Variants in HEMK2 observed in about 807,000 individuals in gnomAD.
HEMK2 encodes the protein methyltransferase HEMK2.
At chr21:28,770,471 T>C in the HEMK2 span, among the ~76,000 whole-genome samples, 3 of 152,150 alleles carry the variant, frequency 2.0e-5, no homozygotes, top group African/African-American at 7.2e-5. Flanking sequence ...TACTGAGACC[T>C]TTCCAAGTGC....
the HEMK2 span, among the ~76,000 whole-genome samples, chr21:28,708,986 GGT>G: frequency 6.6e-6 from 1 of 152,174 alleles, no homozygotes; most frequent in South Asian, 2.1e-4. Context: ...TGGAAGTCAG[GGT>G]GACAGTATGG....
chr21:28,577,225 G>A, the HEMK2 span: 2 of 152,196 alleles, frequency 1.3e-5, no homozygotes, highest in Non-Finnish European at 2.9e-5. Context: ...TCACCTGACA[G>A]TTTTAAAATC....
chr21:28,581,224 CTT>C, the HEMK2 span, among the ~76,000 whole-genome samples: 20 of 132,476 alleles, frequency 1.5e-4, no homozygotes, highest in African/African-American at 3.3e-4. Flanking sequence ...AAAAGTATGG[CTT>C]TTTTTTTTTT....
chr21:28,667,013 T>C, the HEMK2 span, among the ~76,000 whole-genome samples: 1 of 152,154 alleles, frequency 6.6e-6, no homozygotes, highest in African/African-American at 2.4e-5. Flanking sequence ...GGCTCAAATG[T>C]TGGTTCTATC....
the HEMK2 span, among the ~76,000 whole-genome samples, chr21:28,681,749 T>C: frequency 6.6e-6 from 1 of 150,754 alleles, no homozygotes; most frequent in Non-Finnish European, 1.5e-5. Flanking sequence ...TAATGCCGCA[T>C]ATTTACAACT....
At chr21:28,669,901 G>A in the HEMK2 span, among the ~76,000 whole-genome samples, 30,547 of 151,944 alleles carry the variant, frequency 0.2, 3,294 homozygotes, top group East Asian at 0.38. Flanking sequence ...CATTGAAAAG[G>A]GGCTCAGACT....
the HEMK2 span, among the ~76,000 whole-genome samples, chr21:28,681,921 T>C: frequency 1.3e-5 from 2 of 152,200 alleles, no homozygotes; most frequent in South Asian, 2.1e-4. Flanking sequence ...TAAAGACTTA[T>C]ATGTTAGACC....
chr21:28,582,635 A>G, the HEMK2 span, among the ~76,000 whole-genome samples: 8 of 152,226 alleles, frequency 5.3e-5, no homozygotes, highest in African/African-American at 1.9e-4. Flanking sequence ...AGTACATAGT[A>G]GAGAATACAT....
chr21:28,683,208 A>G, the HEMK2 span, among the ~76,000 whole-genome samples: 1 of 152,104 alleles, frequency 6.6e-6, no homozygotes, highest in African/African-American at 2.4e-5. Flanking sequence ...TTTACACAAT[A>G]AAATAGGTAA....
At chr21:28,760,613 C>G in the HEMK2 span, among the ~76,000 whole-genome samples, 1 of 152,164 alleles carries the variant, frequency 6.6e-6, no homozygotes, top group Non-Finnish European at 1.5e-5. Flanking sequence ...CTCAACATAA[C>G]TCTTTGGTTC....
chr21:28,868,878 TATA>T, the HEMK2 span, among the ~76,000 whole-genome samples: 1 of 152,204 alleles, frequency 6.6e-6, no homozygotes, highest in Admixed American at 6.5e-5. Context: ...GCCCTCTTAT[TATA>T]ATAAGTCAGT....
At chr21:28,813,813 A>C in the HEMK2 span, among the ~76,000 whole-genome samples, 1 of 152,246 alleles carries the variant, frequency 6.6e-6, no homozygotes, top group East Asian at 1.9e-4. Context: ...CCTGACAAAA[A>C]CAAGCAATAG....
chr21:28,880,742 C>CA, the HEMK2 span, among the ~76,000 whole-genome samples: 47 of 110,108 alleles, frequency 4.3e-4, no homozygotes, highest in East Asian at 9.7e-4. Flanking sequence ...GACTGTGTCT[C>CA]AAAAAAAAAA....
the HEMK2 span, among the ~76,000 whole-genome samples, chr21:28,838,390 C>T: frequency 1.3e-5 from 2 of 149,564 alleles, no homozygotes; most frequent in Admixed American, 6.7e-5. Context: ...AAAAATTAGC[C>T]GGGCATGGTG....
chr21:28,828,956 C>T, the HEMK2 span, among the ~76,000 whole-genome samples: 1 of 152,152 alleles, frequency 6.6e-6, no homozygotes, highest in Non-Finnish European at 1.5e-5. Context: ...GTGATTTTAA[C>T]AAGAGCTTTA....
chr21:28,878,358 T>C, the HEMK2 span: 1 of 1,611,650 alleles, frequency 6.2e-7, no homozygotes, highest in East Asian at 2.2e-5. Context: ...AAAGAATGTT[T>C]TCTTTTAACT....
the HEMK2 span, among the ~76,000 whole-genome samples, chr21:28,767,097 T>C: frequency 6.6e-6 from 1 of 152,014 alleles, no homozygotes; most frequent in Non-Finnish European, 1.5e-5. Flanking sequence ...TAAATAAGTT[T>C]CATGAGATCT....
the HEMK2 span, among the ~76,000 whole-genome samples, chr21:28,754,272 C>G: frequency 1.3e-5 from 2 of 152,214 alleles, no homozygotes; most frequent in Non-Finnish European, 1.5e-5. Flanking sequence ...CTGTCAGTTC[C>G]TCCAGTAGCA....
At chr21:28,849,904 G>C in the HEMK2 span, among the ~76,000 whole-genome samples, 1 of 152,196 alleles carries the variant, frequency 6.6e-6, no homozygotes, top group African/African-American at 2.4e-5. Flanking sequence ...TGGCATCCCT[G>C]AGAAAGAGAG....
Sources: allele counts gnomAD v4.1 joint callset (sites outside exome capture counted in the v4.1 genomes callset), GRCh38; gene constraint gnomAD v4.1.1; transcripts MANE v1.5; gene names NCBI Gene and HGNC (gene_info 2026-07-23, HGNC 2026-07-21).